The following NCKAP5 variants were observed in gnomAD, a reference collection of about 807,000 sequenced individuals.
The protein encoded by NCKAP5 is nck-associated protein 5.
NCKAP5 carries 92 observed loss-of-function variants against 167.0 expected under a neutral mutation model. The ratio of observed to expected loss-of-function variants is 0.55; its 90% CI spans 0.47 to 0.66. The LOEUF is 0.66. Ranked by LOEUF, NCKAP5 falls within the 30% of genes least tolerant of loss-of-function variation. NCKAP5 has a pLI of 0.00. For synonymous variants in NCKAP5, 891 were observed against 877.4 expected (o/e 1.02, Z -0.27); for missense variants, 2,378 against 2,315.0 (o/e 1.03, Z -0.56).
At chr2:132,775,922 G>A (rs1284100639) in intron 15 of NCKAP5, among the ~76,000 whole-genome samples, 2 of 152,250 alleles carry the variant, frequency 1.3e-5, no homozygotes, top group Admixed American at 6.5e-5. Context: ...GGGTGCCCTC[G>A]AAACCTGTTG....
chr2:132,732,554 A>G (rs1447739016), intron 16 of NCKAP5, among the ~76,000 whole-genome samples: 2 of 152,218 alleles, frequency 1.3e-5, no homozygotes, highest in Non-Finnish European at 2.9e-5. Context: ...GTAATATGAG[A>G]TAAGAAGACC....
intron 11 of NCKAP5, among the ~76,000 whole-genome samples, chr2:132,806,971 A>T (rs1321953465): frequency 6.6e-6 from 1 of 152,184 alleles, no homozygotes. Flanking sequence ...ATTCTCCTAC[A>T]TGCGGCTAGC....
At chr2:133,218,075 C>A (rs1040827782) in intron 4 of NCKAP5, among the ~76,000 whole-genome samples, 1 of 151,986 alleles carries the variant, frequency 6.6e-6, no homozygotes, top group African/African-American at 2.4e-5. Context: ...TGCAGAAAAA[C>A]TGAGGATCCC....
At chr2:133,197,613 C>A (rs941078631) in intron 5 of NCKAP5, among the ~76,000 whole-genome samples, 6 of 151,002 alleles carry the variant, frequency 4.0e-5, no homozygotes, top group African/African-American at 1.2e-4. Flanking sequence ...AAAAAAAAAA[C>A]AAAAACAGGG....
Position 133,200,451 on chromosome 2 carries a change from T to C in NCKAP5, c.207+13265A>G, listed in dbSNP as rs1574356996. On this transcript the variant is annotated intron_variant, in intron 5 of 19. Transcript: ENST00000409261. ...AAAGAATGAGGTTGGACCCATTCCT[T>C]AAGCCACACAAAAAAAATAATTCAA... Among the ~76,000 whole-genome samples, 6 of 152,186 alleles carry C rather than the reference T, an allele frequency of 3.9e-5. No individual in the cohort carries two copies. In the South Asian group the frequency reaches 1.2e-3, roughly 32 times the overall value.
intron 8 of NCKAP5, among the ~76,000 whole-genome samples, chr2:132,888,203 G>C (rs912128145): frequency 6.6e-6 from 1 of 152,050 alleles, no homozygotes; most frequent in East Asian, 1.9e-4. Flanking sequence ...GCATCAATGC[G>C]TTTGTTGGCA....
intron 15 of NCKAP5, among the ~76,000 whole-genome samples, chr2:132,776,011 T>C (rs560932233): frequency 6.6e-6 from 1 of 152,328 alleles, no homozygotes; most frequent in Admixed American, 6.5e-5. Flanking sequence ...AAAGTTTTCA[T>C]CTTACAGATA....
Position 132,860,223 on chromosome 2 carries a change from T to C in NCKAP5, c.807+269A>G, listed in dbSNP as rs985434215. Among the ~76,000 whole-genome samples, 10 of 152,236 alleles carry C rather than the reference T, an allele frequency of 6.6e-5. 1 individual carries two copies. The highest frequency in any genetic ancestry group is 6.5e-4 in the Admixed American group (10 of 15,288). ...TCAATTATTTCCTAACTCCTTTCCA[T>C]GGTTCCATTTAGTTTACTACAGAAC... On this transcript the variant is annotated intron_variant, in intron 11 of 19. Transcript: ENST00000409261.
intron 16 of NCKAP5, among the ~76,000 whole-genome samples, chr2:132,747,272 C>T (rs553579851): frequency 1.1e-4 from 16 of 151,938 alleles, no homozygotes; most frequent in Non-Finnish European, 2.2e-4. Context: ...CCAGGGTACA[C>T]GCTTGAATAA....
chr2:132,933,142 G>A (rs902070072), intron 8 of NCKAP5, among the ~76,000 whole-genome samples: 2 of 152,008 alleles, frequency 1.3e-5, no homozygotes, highest in Admixed American at 1.3e-4. Context: ...AGCCAGGATG[G>A]TCTCGATCTT....
intron 9 of NCKAP5, among the ~76,000 whole-genome samples, chr2:132,875,143 G>C (rs886510042): frequency 3.9e-5 from 6 of 151,962 alleles, no homozygotes; most frequent in South Asian, 2.1e-4. Context: ...ATCTCCTGTG[G>C]TGCTTTAAAA....
chr2:133,037,100 G>A (rs988002764), intron 6 of NCKAP5, among the ~76,000 whole-genome samples: 2 of 151,934 alleles, frequency 1.3e-5, no homozygotes, highest in Non-Finnish European at 2.9e-5. Context: ...CCAAAGAAGT[G>A]CAAGAGCTCT....
At chr2:133,670,328 CTGAT>C in the NCKAP5 span, among the ~76,000 whole-genome samples, 1 of 152,294 alleles carries the variant, frequency 6.6e-6, no homozygotes, top group Non-Finnish European at 1.5e-5. Context: ...CCTGAGCACA[CTGAT>C]TAACTTCAGC....
At chr2:132,998,100 C>A (rs1021105205) in intron 6 of NCKAP5, among the ~76,000 whole-genome samples, 3 of 152,152 alleles carry the variant, frequency 2.0e-5, no homozygotes, top group Admixed American at 6.5e-5. Flanking sequence ...ATCCTTATTG[C>A]ATTCATTTTT....
At chr2:132,811,606 C>G (rs552269858) in intron 11 of NCKAP5, among the ~76,000 whole-genome samples, 42 of 152,226 alleles carry the variant, frequency 2.8e-4, no homozygotes, top group African/African-American at 7.2e-4. Flanking sequence ...CATGCTCCCC[C>G]CAACCCTGCC....
chr2:133,164,369 G>A (rs1159687415), intron 5 of NCKAP5, among the ~76,000 whole-genome samples: 3 of 152,172 alleles, frequency 2.0e-5, no homozygotes, highest in Non-Finnish European at 2.9e-5. Context: ...TGAGAGCTGT[G>A]TTTGAATCCT....
chr2:132,838,071 C>T (rs1688027263), intron 11 of NCKAP5, among the ~76,000 whole-genome samples: 1 of 152,198 alleles, frequency 6.6e-6, no homozygotes, highest in African/African-American at 2.4e-5. Flanking sequence ...TGGAGCCCTC[C>T]TCTTTCAACT....
chr2:133,081,037 G>A (rs2080785961), intron 6 of NCKAP5, among the ~76,000 whole-genome samples: 1 of 152,104 alleles, frequency 6.6e-6, no homozygotes, highest in Admixed American at 6.6e-5. Context: ...TACCAGGTGG[G>A]ACTCCATCCA....
At chr2:132,958,671 C>T (rs890321094) in intron 8 of NCKAP5, among the ~76,000 whole-genome samples, 2 of 152,192 alleles carry the variant, frequency 1.3e-5, no homozygotes, top group Admixed American at 6.5e-5. Context: ...GTTCCTTGGA[C>T]TTGCCAAGCT....
Sources: gnomAD v4.1 joint callset for allele counts (sites outside exome capture counted in the v4.1 genomes callset) on GRCh38, gnomAD v4.1.1 for gene constraint, MANE v1.5 for transcripts, NCBI Gene and HGNC (gene_info 2026-07-23, HGNC 2026-07-21) for gene names.